The following DAOA variants were observed in gnomAD, a reference collection of about 807,000 sequenced individuals.
The protein encoded by DAOA is D-amino acid oxidase activator.
A neutral mutation model predicts 16.4 loss-of-function variants in DAOA; 15 were observed. The ratio of observed to expected loss-of-function variants is 0.91; its 90% CI spans 0.61 to 1.41. DAOA has a LOEUF of 1.41. DAOA is among the 40% of genes most tolerant of loss of function. The probability of loss-of-function intolerance (pLI) is 0.00; values close to 1 mark genes in which losing one functional copy is unlikely to be tolerated. For synonymous variants in DAOA, 75 were observed against 59.1 expected, an observed-to-expected ratio of 1.27 and a Z score of -1.23; for missense variants, 230 against 176.8, an observed-to-expected ratio of 1.30 and a Z score of -1.71.
intron 4 of DAOA, among the ~76,000 whole-genome samples, chr13:105,487,424 C>T (rs1878200085): frequency 6.6e-6 from 1 of 152,082 alleles, no homozygotes; most frequent in South Asian, 2.1e-4. Context: ...GAGTTCTGTG[C>T]TCTGTAAGAA....
At position 105,489,994 on chromosome 13, in the gene DAOA, T is replaced by G. The variant is rs758480412; in HGVS notation, c.375T>G (p.Pro125=). The G allele has an allele frequency of 1.2e-6, 2 of 1,613,036 alleles. No individual in the cohort carries two copies. Among genetic ancestry groups the G allele is most frequent in the Non-Finnish European group, 1.7e-6 (2 of 1,179,666 alleles). ...AGGCCTCTAAGGACCGCAGGCAGCC[T>G]CTAGAACGAATGTGGACCTGCAACT... The part of the protein sequence containing the change: ...AYEASKDRRQ[P]LERMWTCNYN... The change falls in exon 5 of 6, where the codon CCT becomes CCG. Residue 125 remains proline (P), a synonymous_variant. Coordinates refer to ENST00000375936, the MANE Select transcript of DAOA (RefSeq NM_172370.5).
At chr13:105,483,433 T>A in intron 4 of DAOA, among the ~76,000 whole-genome samples, 1 of 152,216 alleles carries the variant, frequency 6.6e-6, no homozygotes, top group East Asian at 1.9e-4. Flanking sequence ...TGCTTCATTA[T>A]TGTTTTTCAA....
intron 3 of DAOA, among the ~76,000 whole-genome samples, chr13:105,469,153 C>G (rs1465122364): frequency 6.6e-6 from 1 of 152,028 alleles, no homozygotes; most frequent in African/African-American, 2.4e-5. Context: ...AGTACCATAC[C>G]ATAGGGTTCA....
chr13:105,475,844 T>C (rs1346929165), intron 4 of DAOA, among the ~76,000 whole-genome samples: 1 of 152,176 alleles, frequency 6.6e-6, no homozygotes, highest in African/African-American at 2.4e-5. Context: ...GTTGGTAGTG[T>C]CTTTATTGGA....
chr13:105,484,934 T>C (rs1230612145), intron 4 of DAOA, among the ~76,000 whole-genome samples: 2 of 152,220 alleles, frequency 1.3e-5, no homozygotes, highest in Admixed American at 1.3e-4. Flanking sequence ...CTTATTTTTC[T>C]GTCCTTGGCT....
chr13:105,471,425 TACCTAGATGATACCAAGAGG>T (rs957106771), intron 3 of DAOA, among the ~76,000 whole-genome samples: 12 of 152,346 alleles, frequency 7.9e-5, no homozygotes, highest in African/African-American at 2.9e-4. Flanking sequence ...ATATGAAGTT[TACCTAGATGATACCAAGAGG>T]GCTTCTAGGA....
chr13:105,466,181 G>C, intron 1 of DAOA, 35 bp from the exon 2 acceptor site: 1 of 1,548,870 alleles, frequency 6.5e-7, no homozygotes, highest in South Asian at 1.2e-5. Context: ...TAAAGTAAAA[G>C]CTTACTAGTG....
At chr13:105,466,428 C>G in intron 2 of DAOA, 96 bp downstream of exon 2, 1 of 1,586,564 alleles carries the variant, frequency 6.3e-7, no homozygotes, top group Non-Finnish European at 8.6e-7. Flanking sequence ...TTCCTGGAGA[C>G]AGGAAGTGGA....
At chr13:105,482,072 A>G (rs1877783454) in intron 4 of DAOA, among the ~76,000 whole-genome samples, 1 of 152,028 alleles carries the variant, frequency 6.6e-6, no homozygotes, top group African/African-American at 2.4e-5. Context: ...TTATAAAACC[A>G]TTAGATCTCA....
intron 4 of DAOA, 183 bp from the exon 5 acceptor site, chr13:105,489,718 C>T (rs1324188263): frequency 1.4e-6 from 2 of 1,379,686 alleles, no homozygotes; most frequent in East Asian, 2.5e-5. Context: ...CAGTTAGACC[C>T]TAAGTGACCC....
chr13:105,466,974 A>T (rs1174621102), intron 2 of DAOA, 79 bp from the exon 3 acceptor site: 2 of 1,513,762 alleles, frequency 1.3e-6, no homozygotes, highest in African/African-American at 2.8e-5. Flanking sequence ...TATATGCTCC[A>T]TTGATGTTGC....
intron 3 of DAOA, among the ~76,000 whole-genome samples, chr13:105,470,593 C>A (rs781407316): frequency 9.9e-5 from 15 of 151,980 alleles, no homozygotes; most frequent in Non-Finnish European, 1.9e-4. Flanking sequence ...CCAAAATATT[C>A]TATTTTTATT....
chr13:105,475,193 C>A, intron 4 of DAOA: 1 of 253,956 alleles, frequency 3.9e-6, no homozygotes. Context: ...TTAATATATC[C>A]ACTGTGGCTT....
At chr13:105,477,250 G>A (rs41275044) in intron 4 of DAOA, 77 of 151,974 alleles carry the variant, frequency 5.1e-4, no homozygotes, top group African/African-American at 1.8e-3. Context: ...TCACTGAGGC[G>A]CTTCAAGGCT....
rs776133997 is a variant in DAOA, at chr13:105,467,087, G to C, written c.79G>C (p.Gly27Arg). 1.9e-6 allele frequency: 3 copies of C among 1,611,330 alleles called. No individual in the cohort carries two copies. Among genetic ancestry groups the C allele is most frequent in the Admixed American group, 3.3e-5 (2 of 59,866 alleles). Reference sequence around the variant, plus strand: ...TACATTGGGTAAAATCTACTTCATAGGTTTTCAAAGGAGCATTCTTCTGAG... The same window carrying C: ...TACATTGGGTAAAATCTACTTCATACGTTTTCAAAGGAGCATTCTTCTGAG... ...RYTLGKIYFIGFQRSILLSKS... is the reference protein window; with the variant it reads ...RYTLGKIYFIRFQRSILLSKS... The change falls in exon 3 of 6, where the codon GGT (glycine) becomes CGT (arginine). Residue 27 changes from glycine (G) to arginine (R), a missense_variant. Gly to Arg is a moderately radical substitution (Grantham distance 125). Transcript: ENST00000375936.
chr13:105,485,876 G>A (rs1291616878), intron 4 of DAOA, among the ~76,000 whole-genome samples: 1 of 152,208 alleles, frequency 6.6e-6, no homozygotes. Flanking sequence ...TTTAGAGAGA[G>A]CATGTCCTGC....
At chr13:105,466,146 A>G (rs966895655) in intron 1 of DAOA, 70 bp from the exon 2 acceptor site, 2 of 1,318,812 alleles carry the variant, frequency 1.5e-6, no homozygotes, top group African/African-American at 2.9e-5. Flanking sequence ...TTGCTGCAAA[A>G]GAGCTACACC....
Position 105,467,113 on chromosome 13 carries a change from C to A in DAOA, c.105C>A (p.Ser35Arg). Residue 35 changes from serine to arginine, a missense_variant, in exon 3 of 6, where the codon AGC becomes AGA. Coordinates refer to ENST00000375936, the MANE Select transcript of DAOA (RefSeq NM_172370.5). ...GTTTTCAAAGGAGCATTCTTCTGAGCAAATCTGAAAACTCTCTAAACTCTA... is the reference window on the plus strand; with the variant it reads ...GTTTTCAAAGGAGCATTCTTCTGAGAAAATCTGAAAACTCTCTAAACTCTA... ...FIGFQRSILL[S>R]KSENSLNSIA... is the part of the protein sequence containing the mutation. 1 of 1,610,110 alleles carries A rather than the reference C, an allele frequency of 6.2e-7. No homozygotes were observed. The highest frequency in any genetic ancestry group is 8.5e-7 in the Non-Finnish European group (1 of 1,177,504).
In DAOA at chr13:105,472,588, A is replaced by G. The variant is rs9558562; in HGVS notation, c.184A>G (p.Lys62Glu). Residue 62 changes from lysine (K) to glutamate (E), a missense_variant, in exon 4 of 6, where the codon AAG (lysine) becomes GAG (glutamate). By Grantham distance (56) the Lys-to-Glu change is moderately conservative. Transcript: ENST00000375936. ...RETVTRKEGW[K>E]RRHEDGYLEM... ...GACGGTAACAAGGAAAGAAGGATGGAAGAGAAGGCATGAGGACGGCTATTT... is the reference window on the plus strand; with the variant it reads ...GACGGTAACAAGGAAAGAAGGATGGGAGAGAAGGCATGAGGACGGCTATTT... The G allele has an allele frequency of 1.2e-3, 1,920 of 1,614,110 alleles. 29 individuals are homozygous for G. In the East Asian group the frequency reaches 0.031, roughly 26 times the overall value.
Sources: gnomAD v4.1 joint callset for allele counts (sites outside exome capture counted in the v4.1 genomes callset) on GRCh38, gnomAD v4.1.1 for gene constraint, MANE v1.5 for transcripts, NCBI Gene and HGNC (gene_info 2026-07-23, HGNC 2026-07-21) for gene names.